The following DISP3 variants were observed in gnomAD, a reference collection of about 807,000 sequenced individuals.
DISP3 encodes dispatched RND transporter family member 3.
DISP3 carries 101 observed loss-of-function variants against 135.3 expected under a neutral mutation model. The observed-to-expected ratio is 0.75, with a 90% CI of 0.64 to 0.88. DISP3 has a LOEUF of 0.88. Among genes scored for constraint, DISP3 ranks in the 40% least tolerant of loss-of-function variants. DISP3 has a pLI of 0.00. For synonymous variants in DISP3, 856 were observed against 817.0 expected, an observed-to-expected ratio of 1.05 and a Z score of -0.81; for missense variants, 1,713 against 1,878.6, an observed-to-expected ratio of 0.91 and a Z score of 1.63.
intron 10 of DISP3, among the ~76,000 whole-genome samples, chr1:11,522,769 AG>A (rs1351077836): frequency 5.0e-5 from 7 of 138,780 alleles, no homozygotes; most frequent in African/African-American, 1.4e-4. Context: ...GGACCCAGCC[AG>A]GACCCAGCCA....
At chr1:11,530,369 C>T (rs912832351) in intron 15 of DISP3, among the ~76,000 whole-genome samples, 1 of 152,188 alleles carries the variant, frequency 6.6e-6, no homozygotes, top group African/African-American at 2.4e-5. Context: ...CTGCTTGAGC[C>T]GGGACTGTTC....
rs757174591 is a variant in DISP3, at chr1:11,501,646, T to A, written c.654T>A (p.Ser218Arg). Residue 218 changes from serine to arginine, a missense_variant, in exon 2 of 21, where the codon AGT (serine) becomes AGA (arginine). Around this residue, in one of 2 missense-constraint regions of DISP3, gnomAD observed 571 missense variants for 494.1 expected, o/e 1.16. Transcript: ENST00000294484. The surrounding 1 kb of genome is among the most constrained non-coding windows in gnomAD (Gnocchi z 4.9). The stretch of plus-strand genomic sequence containing the variant: ...TGGAGGATCTGGCAGCCAACCAGAG[T>A]GAAGACCCGCGAAACCAGCGGCTGA... The part of the protein sequence containing the change: ...PPLEDLAANQ[S>R]EDPRNQRLSK... 1 of 1,609,126 alleles carries A rather than the reference T, an allele frequency of 6.2e-7. No individual in the cohort carries two copies. Among genetic ancestry groups the A allele is most frequent in the East Asian group, 2.2e-5 (1 of 44,724 alleles).
rs566841950 is a variant in DISP3, at chr1:11,532,764, C to A, written c.3375+1054C>A. Among the ~76,000 whole-genome samples the A allele has an allele frequency of 7.2e-5, 11 of 152,326 alleles. No individual in the cohort carries two copies. In the South Asian group the frequency reaches 1.9e-3, roughly 26 times the overall value. ...CCAGGCTGGAGTGCAGTGGCACGAT[C>A]TTGGCTCACTGCAACCTCCACCTCC... On this transcript the variant is annotated intron_variant, in intron 17 of 20. Coordinates refer to ENST00000294484, the MANE Select transcript of DISP3 (RefSeq NM_020780.2).
rs770208839 is a variant in DISP3, at chr1:11,536,578, C to T, written c.4071C>T (p.Leu1357=). The T allele has an allele frequency of 6.2e-7, 1 of 1,612,232 alleles. No homozygotes were observed. Residue 1357 remains leucine (L), a synonymous_variant, in exon 21 of 21, where the codon CTC becomes CTT. Transcript: ENST00000294484. The surrounding 1 kb of genome is among the most constrained non-coding windows in gnomAD (Gnocchi z 4.3). ...TCACTCGGACCCGGACTTCCTTCCTCAAGGCCCTGGGTGCCGTGCTGCTGG... is the reference window on the plus strand; with the variant it reads ...TCACTCGGACCCGGACTTCCTTCCTTAAGGCCCTGGGTGCCGTGCTGCTGG... ...SSFTRTRTSF[L]KALGAVLLAG...
intron 3 of DISP3, among the ~76,000 whole-genome samples, chr1:11,513,502 T>G (rs1411542728): frequency 1.3e-5 from 2 of 152,210 alleles, no homozygotes. Context: ...GGAAGTCTGC[T>G]GTCAGCCTTG....
At chr1:11,535,794 G>A in intron 20 of DISP3, 150 bp downstream of exon 20, 1 of 1,078,676 alleles carries the variant, frequency 9.3e-7, no homozygotes, top group Non-Finnish European at 1.3e-6. Context: ...TCCCAAAGCT[G>A]ATCCCCAAGC....
chr1:11,526,092 T>C (rs1393759667), intron 12 of DISP3, among the ~76,000 whole-genome samples: 4 of 152,218 alleles, frequency 2.6e-5, no homozygotes, highest in African/African-American at 9.6e-5. Context: ...AATTCATTTG[T>C]TCAGGATTTA....
intron 5 of DISP3, 120 bp downstream of exon 5, chr1:11,515,623 C>A: frequency 7.1e-7 from 1 of 1,401,810 alleles, no homozygotes; most frequent in Non-Finnish European, 9.5e-7. Context: ...CTGCTGAGGC[C>A]TAGAGCCTTG....
At chr1:11,512,299 A>G (rs981340025) in intron 3 of DISP3, among the ~76,000 whole-genome samples, 6 of 152,062 alleles carry the variant, frequency 3.9e-5, no homozygotes, top group African/African-American at 1.4e-4. Context: ...AATTTTCCAA[A>G]CTTTTATGCT....
chr1:11,491,116 A>C lies in DISP3; in HGVS notation c.-3-9874A>C, dbSNP rs1641170504. 6.6e-6 allele frequency among the ~76,000 whole-genome samples: 1 copy of C among 152,122 alleles called. No individual in the cohort carries two copies. The highest frequency in any genetic ancestry group is 2.4e-5 in the African/African-American group (1 of 41,430). On this transcript the variant is annotated intron_variant, in intron 1 of 20. Transcript: ENST00000294484. The surrounding 1 kb of genome is among the most constrained non-coding windows in gnomAD (Gnocchi z 4.3). Reference sequence around the variant, plus strand: ...CCTGAGGAGTGAGCCTTGGCTAGAGATACAGCAGCCTGAGTCCATACCCCG... The same window carrying C: ...CCTGAGGAGTGAGCCTTGGCTAGAGCTACAGCAGCCTGAGTCCATACCCCG...
chr1:11,525,301 C>T lies in DISP3; in HGVS notation c.2602C>T (p.Pro868Ser). Reference protein sequence around the residue: ...QAVSPGDGEVPSFQVYRAPFG... With the variant: ...QAVSPGDGEVSSFQVYRAPFG... ...TGTGTCGCCTGGGGATGGAGAGGTGCCCTCCTTCCAGGTGAGCCTGGGCTG... is the reference window on the plus strand; with the variant it reads ...TGTGTCGCCTGGGGATGGAGAGGTGTCCTCCTTCCAGGTGAGCCTGGGCTG... Residue 868 changes from proline to serine, a missense_variant, in exon 12 of 21, where the codon CCC (proline) becomes TCC (serine). Around this residue, in one of 2 missense-constraint regions of DISP3, gnomAD observed 1,142 missense variants for 1,384.6 expected, o/e 0.82. Coordinates refer to ENST00000294484, the MANE Select transcript of DISP3 (RefSeq NM_020780.2). 2 of 1,613,522 alleles carry T rather than the reference C, an allele frequency of 1.2e-6. No homozygotes were observed. Among genetic ancestry groups the T allele is most frequent in the Non-Finnish European group, 1.7e-6 (2 of 1,179,660 alleles).
At chr1:11,517,036 C>A (rs7513927) in intron 6 of DISP3, among the ~76,000 whole-genome samples, 9,063 of 152,222 alleles carry the variant, frequency 0.06, 867 homozygotes, top group African/African-American at 0.2. Context: ...CTGGAACATA[C>A]CCATTGCTCC....
Position 11,520,869 on chromosome 1 carries a change from G to C in DISP3, c.2362+21G>C. The C allele has an allele frequency of 6.4e-7, 1 of 1,574,194 alleles. No individual in the cohort carries two copies. Among genetic ancestry groups the C allele is most frequent in the South Asian group, 1.2e-5 (1 of 86,940 alleles). On this transcript the variant is annotated intron_variant, in intron 10 of 20. Transcript: ENST00000294484. This position sits in a 1 kb window ranked among gnomAD's most constrained non-coding sequence, Gnocchi z 4.8. ...TTCAGGTGAGGCTTCTAGCCAGGCT[G>C]TCCCTGGCCCGCTCAGGTGTCCGGG... is the stretch of plus-strand genomic sequence containing the variant.
At chr1:11,486,525 G>A (rs909913146) in intron 1 of DISP3, among the ~76,000 whole-genome samples, 1 of 152,142 alleles carries the variant, frequency 6.6e-6, no homozygotes, top group African/African-American at 2.4e-5. Flanking sequence ...TCCAGCAGAT[G>A]ATCCCAGAGT....
rs199530621 is a variant in DISP3 at position 11,516,138 on chromosome 1, T to C, written c.1726T>C (p.Tyr576His). Residue 576 changes from tyrosine (Y) to histidine (H), a missense_variant, in exon 6 of 21, where the codon TAC becomes CAC. Transcript: ENST00000294484. This position sits in a 1 kb window ranked among gnomAD's most constrained non-coding sequence, Gnocchi z 5.1. ...FFTSLTTAAA[Y>H]AANVFSQIPA... ...CACCTCCCTGACCACAGCCGCCGCC[T>C]ACGCAGCTAACGTCTTCTCCCAGGT... 24 of 1,613,964 alleles carry C rather than the reference T, an allele frequency of 1.5e-5. No homozygotes were observed. Among genetic ancestry groups the C allele is most frequent in the East Asian group, 2.2e-5 (1 of 44,888 alleles).
At chr1:11,532,957 C>A (rs1324471946) in intron 17 of DISP3, among the ~76,000 whole-genome samples, 1 of 152,104 alleles carries the variant, frequency 6.6e-6, no homozygotes, top group African/African-American at 2.4e-5. Flanking sequence ...CCACCCACCT[C>A]GGCCTCCCAA....
intron 12 of DISP3, 38 bp from the exon 13 acceptor site, chr1:11,526,613 C>A (rs749097536): frequency 1.3e-6 from 2 of 1,591,954 alleles, no homozygotes; most frequent in South Asian, 2.2e-5. Flanking sequence ...GCAGCCCCCC[C>A]GAGTCATGTG....
intron 3 of DISP3, among the ~76,000 whole-genome samples, chr1:11,507,180 C>T (rs1368227879): frequency 6.6e-6 from 1 of 152,156 alleles, no homozygotes; most frequent in Non-Finnish European, 1.5e-5. Context: ...TCAGAAGGCA[C>T]ATAGAGTCGT....
At chr1:11,515,319 G>A (rs1332491237) in intron 4 of DISP3, 50 bp from the exon 5 acceptor site, 2 of 1,608,426 alleles carry the variant, frequency 1.2e-6, no homozygotes, top group Admixed American at 1.7e-5. Flanking sequence ...TGGGGTTTGT[G>A]TCCCATGAGG....
Sources: gnomAD v4.1 joint callset for allele counts (sites outside exome capture counted in the v4.1 genomes callset) on GRCh38, gnomAD v4.1.1 for gene constraint, gnomAD v4.1.1 regional missense constraint, Gnocchi (gnomAD v3.1) non-coding constraint, MANE v1.5 for transcripts, NCBI Gene and HGNC (gene_info 2026-07-23, HGNC 2026-07-21) for gene names.